Variants in ATF7IP2 observed in about 807,000 individuals in gnomAD.
ATF7IP2 encodes the protein activating transcription factor 7 interacting protein 2, also known as activating transcription factor 7-interacting protein 2.
In ATF7IP2, 42 loss-of-function variants were observed where a neutral mutation model predicts 64.2. That is an observed-to-expected ratio of 0.65 (90% CI 0.51 to 0.85). ATF7IP2 has a LOEUF of 0.85. ATF7IP2 is among the 40% of genes least tolerant of loss of function. The pLI is 0.00. For synonymous variants in ATF7IP2, 308 were observed against 272.8 expected, an observed-to-expected ratio of 1.13 and a Z score of -1.27; for missense variants, 933 against 784.2, an observed-to-expected ratio of 1.19 and a Z score of -2.27.
chr16:10,468,818 C>G lies in ATF7IP2; in HGVS notation c.1353-3292C>G, dbSNP rs549922114. Among the ~76,000 whole-genome samples, 6 of 152,220 alleles carry G rather than the reference C, an allele frequency of 3.9e-5. No homozygotes were observed. The South Asian group carries it at 1.0e-3, about 26-fold the overall frequency. On this transcript the variant is annotated intron_variant, in intron 9 of 13. Coordinates refer to ENST00000562102, the MANE Select transcript of ATF7IP2 (RefSeq NM_001393719.1). ...GTCATACATCTTGTTTTCCCCCTGG[C>G]TAGAAGAAAGATTGGTAACATTTTG...
intron 8 of ATF7IP2, chr16:10,448,678 T>C (rs1235175593): frequency 2.0e-5 from 3 of 152,232 alleles, no homozygotes; most frequent in African/African-American, 7.2e-5. Flanking sequence ...TGGGGTTTTC[T>C]AAATATTATT....
chr16:10,434,185 A>G (rs887169598), intron 6 of ATF7IP2, among the ~76,000 whole-genome samples: 4 of 152,152 alleles, frequency 2.6e-5, no homozygotes, highest in African/African-American at 9.7e-5. Flanking sequence ...CATTAAATAC[A>G]CTTCTTGCTT....
In ATF7IP2 at chr16:10,430,818, A is replaced by ATGT; in HGVS notation, c.199_201dup (p.Cys67dup). 2 of 1,613,966 alleles carry ATGT rather than the reference A, an allele frequency of 1.2e-6. No homozygotes were observed. ...TAACTAGGACGACTGAAATAACCAAATGTAGCCCTTCTGAAAATGGTGCAT... is the reference window on the plus strand; with the variant it reads ...TAACTAGGACGACTGAAATAACCAAATGTTGTAGCCCTTCTGAAAATGGTGCAT... On this transcript the variant is annotated inframe_insertion, in exon 5 of 14. Coordinates refer to ENST00000562102, the MANE Select transcript of ATF7IP2 (RefSeq NM_001393719.1).
intron 8 of ATF7IP2, among the ~76,000 whole-genome samples, chr16:10,442,552 A>G (rs1331824424): frequency 6.6e-6 from 1 of 152,164 alleles, no homozygotes; most frequent in African/African-American, 2.4e-5. Flanking sequence ...AGTCCTTTCC[A>G]TTTACCAAAC....
Position 10,430,840 on chromosome 16 carries a change from G to C in ATF7IP2, c.220G>C (p.Ala74Pro). 6.2e-7 allele frequency: 1 copy of C among 1,613,900 alleles called. No individual in the cohort carries two copies. The highest frequency in any genetic ancestry group is 8.5e-7 in the Non-Finnish European group (1 of 1,179,830). ...CAAATGTAGCCCTTCTGAAAATGGT[G>C]CATCCTCATTGGACTCTAATAAAAA... ...ITKCSPSENG[A>P]SSLDSNKNSI... The change falls in exon 5 of 14, where the codon GCA becomes CCA. Residue 74 changes from alanine to proline, a missense_variant. By Grantham distance (27) the Ala-to-Pro change is conservative. Transcript: ENST00000562102.
chr16:10,467,266 A>G (rs776841590), intron 9 of ATF7IP2, among the ~76,000 whole-genome samples: 3 of 152,174 alleles, frequency 2.0e-5, no homozygotes, highest in Non-Finnish European at 2.9e-5. Flanking sequence ...ATACAATGAG[A>G]CTGCCAAAAA....
At chr16:10,403,321 G>A (rs1037253465) in intron 1 of ATF7IP2, among the ~76,000 whole-genome samples, 27 of 152,120 alleles carry the variant, frequency 1.8e-4, no homozygotes, top group Admixed American at 1.2e-3. Flanking sequence ...TTGTGAACCT[G>A]CTCACCTACC....
At chr16:10,448,679 A>G (rs1307705744) in intron 8 of ATF7IP2, 1 of 152,184 alleles carries the variant, frequency 6.6e-6, no homozygotes, top group Admixed American at 6.5e-5. Flanking sequence ...GGGGTTTTCT[A>G]AATATTATTT....
chr16:10,433,401 C>G, intron 5 of ATF7IP2, 124 bp from the exon 6 acceptor site: 1 of 811,812 alleles, frequency 1.2e-6, no homozygotes, highest in South Asian at 1.8e-5. Flanking sequence ...TCTTGAACTC[C>G]TGGCCTTAAG....
Position 10,452,291 on chromosome 16 carries a change from C to T in ATF7IP2, c.1195-5081C>T, listed in dbSNP as rs143669705. On this transcript the variant is annotated intron_variant, in intron 8 of 13. Transcript: ENST00000562102. The stretch of plus-strand genomic sequence containing the variant: ...TTTGGTCTTTGATGTTGGTGACCTT[C>T]GGATGGGGTCTCTGAGTGGACGTCC... Among the ~76,000 whole-genome samples the T allele has an allele frequency of 4.7e-3, 718 of 152,268 alleles. 3 individuals carry two copies. Among genetic ancestry groups the T allele is most frequent in the African/African-American group, 0.016 (684 of 41,548 alleles).
Position 10,430,594 on chromosome 16 carries a change from G to A in ATF7IP2, c.-10-17G>A. 2 of 1,485,330 alleles carry A rather than the reference G, an allele frequency of 1.3e-6. No individual in the cohort carries two copies. The highest frequency in any genetic ancestry group is 1.9e-6 in the Non-Finnish European group (2 of 1,080,662). The allele number at this position is 1,485,330 out of a possible 1,614,324, so 92.0% of individuals were successfully genotyped here. A position where few individuals can be genotyped will look rare whatever the true frequency, so the allele number is the denominator to read the frequency against. On this transcript the variant is annotated splice_polypyrimidine_tract_variant and intron_variant, in intron 4 of 13. Coordinates refer to ENST00000562102, the MANE Select transcript of ATF7IP2 (RefSeq NM_001393719.1). ...TCACTAGAGAAATGCATTTAAATATGATGTCTTAAATTCCAGGATATGAAA... is the reference window on the plus strand; with the variant it reads ...TCACTAGAGAAATGCATTTAAATATAATGTCTTAAATTCCAGGATATGAAA...
intron 9 of ATF7IP2, among the ~76,000 whole-genome samples, chr16:10,471,101 C>A (rs9939008): frequency 0.077 from 11,644 of 152,092 alleles, 898 homozygotes; most frequent in African/African-American, 0.19. Flanking sequence ...AAAAGATGTT[C>A]TTTTCAAAAA....
chr16:10,386,559 A>C (rs1596404246), intron 1 of ATF7IP2: 1 of 152,104 alleles, frequency 6.6e-6, no homozygotes, highest in East Asian at 1.9e-4. Context: ...AGTTGTTTTA[A>C]TCATCTAATG....
intron 9 of ATF7IP2, among the ~76,000 whole-genome samples, chr16:10,468,108 G>T (rs2049649438): frequency 6.7e-6 from 1 of 149,202 alleles, no homozygotes; most frequent in South Asian, 2.1e-4. Context: ...TCGAACTCCC[G>T]ACCTCAGGTG....
At chr16:10,472,501 G>C (rs1010215809) in intron 10 of ATF7IP2, among the ~76,000 whole-genome samples, 2 of 151,816 alleles carry the variant, frequency 1.3e-5, no homozygotes, top group African/African-American at 4.8e-5. Flanking sequence ...GTGACGGTTT[G>C]TTTTTTGTCT....
intron 4 of ATF7IP2, among the ~76,000 whole-genome samples, 172 bp downstream of exon 4, chr16:10,429,188 G>A (rs1414831760): frequency 6.6e-6 from 1 of 152,066 alleles, no homozygotes; most frequent in Non-Finnish European, 1.5e-5. Flanking sequence ...GATTTGATTT[G>A]TTCATTTTCT....
chr16:10,421,762 G>A (rs1408482805), intron 3 of ATF7IP2, among the ~76,000 whole-genome samples: 3 of 152,210 alleles, frequency 2.0e-5, no homozygotes, highest in African/African-American at 7.2e-5. Flanking sequence ...TTTTTTACGA[G>A]TAGATTCAAT....
chr16:10,453,769 C>T (rs186787447), intron 8 of ATF7IP2, among the ~76,000 whole-genome samples: 114 of 151,348 alleles, frequency 7.5e-4, no homozygotes, highest in Admixed American at 2.9e-3. Flanking sequence ...AGTCATGCGC[C>T]ACCACACCTG....
At position 10,438,223 on chromosome 16, in the gene ATF7IP2, T is replaced by C; in HGVS notation, c.1083T>C (p.Ala361=). 1.3e-6 allele frequency: 2 copies of C among 1,593,754 alleles called. No homozygotes were observed. Among genetic ancestry groups the C allele is most frequent in the Non-Finnish European group, 1.7e-6 (2 of 1,173,212 alleles). Residue 361 remains alanine, a synonymous_variant, in exon 7 of 14, where the codon GCT becomes GCC. Transcript: ENST00000562102. ...GCAGAAATAAGCATGAAGGAATAGCTGATAAACTTTTGGTAAGTTTTGATT... is the reference window on the plus strand; with the variant it reads ...GCAGAAATAAGCATGAAGGAATAGCCGATAAACTTTTGGTAAGTTTTGATT... ...TECRNKHEGI[A]DKLLAKIAKL... is the part of the protein sequence containing the mutation.
Sources: gnomAD v4.1 joint callset for allele counts (sites outside exome capture counted in the v4.1 genomes callset) on GRCh38, gnomAD v4.1.1 for gene constraint, MANE v1.5 for transcripts, NCBI Gene and HGNC (gene_info 2026-07-23, HGNC 2026-07-21) for gene names.